The following RRAGB variants were observed in gnomAD, a reference collection of about 807,000 sequenced individuals.
RRAGB encodes ras-related GTP-binding protein B.
In RRAGB, 6 loss-of-function variants were observed where a neutral mutation model predicts 29.3. The observed-to-expected ratio is 0.21, with a 90% CI of 0.11 to 0.40. The LOEUF is 0.40. Among genes scored for constraint, RRAGB ranks in the 10% least tolerant of loss-of-function variants. The pLI, the probability that RRAGB is intolerant of heterozygous loss-of-function variation, is 1.00. For synonymous variants in RRAGB, 101 were observed against 92.5 expected (o/e 1.09, Z -0.53); for missense variants, 184 against 272.9 (o/e 0.67, Z 2.29).
intron 2 of RRAGB, among the ~76,000 whole-genome samples, chrX:55,720,906 G>A (rs1313921280): frequency 9.0e-6 from 1 of 111,142 alleles, no homozygotes; most frequent in Non-Finnish European, 1.9e-5. Context: ...AAGAAAGAAC[G>A]AAAAGGAAAG....
At chrX:55,737,411 A>T (rs1020877513) in intron 5 of RRAGB, among the ~76,000 whole-genome samples, 1 of 112,530 alleles carries the variant, frequency 8.9e-6, no homozygotes, top group Non-Finnish European at 1.9e-5. Context: ...AGGCACACTC[A>T]TGCTGAGTTC....
intron 5 of RRAGB, among the ~76,000 whole-genome samples, chrX:55,742,013 A>G (rs1236039917): frequency 8.9e-6 from 1 of 112,365 alleles, no homozygotes; most frequent in Non-Finnish European, 1.9e-5. Context: ...GCGTACAACC[A>G]AAAATGCAAT....
chrX:55,718,650 G>A (rs913440), intron 1 of RRAGB, among the ~76,000 whole-genome samples: 56,915 of 110,602 alleles, frequency 0.51, 12,869 homozygotes, highest in East Asian at 0.74. Flanking sequence ...GTGGTGCTGG[G>A]GGAGTGTTCT....
intron 3 of RRAGB, among the ~76,000 whole-genome samples, chrX:55,722,871 G>A (rs754454377): frequency 4.0e-4 from 44 of 111,204 alleles, no homozygotes; most frequent in Non-Finnish European, 7.3e-4. Flanking sequence ...AGTGAATGTA[G>A]GATCCTGGGA....
At chrX:55,735,399 T>C (rs991957825) in intron 5 of RRAGB, among the ~76,000 whole-genome samples, 1 of 112,439 alleles carries the variant, frequency 8.9e-6, no homozygotes, top group Admixed American at 9.4e-5. Context: ...TTTACTGTTG[T>C]TGATTTAAAG....
At chrX:55,755,603 G>C in intron 7 of RRAGB, 1 of 744,523 alleles carries the variant, frequency 1.3e-6, no homozygotes, top group Non-Finnish European at 1.6e-6. Flanking sequence ...ACCAAAATAG[G>C]CAATACGTAA....
chrX:55,724,241 A>G (rs896267075), intron 3 of RRAGB, among the ~76,000 whole-genome samples: 1 of 112,255 alleles, frequency 8.9e-6, no homozygotes, highest in Non-Finnish European at 1.9e-5. Context: ...GCTTACTTCT[A>G]TTAAATCATT....
intron 4 of RRAGB, 59 bp downstream of exon 4, chrX:55,729,419 A>G (rs763158984): frequency 2.5e-5 from 19 of 747,644 alleles, no homozygotes; most frequent in Admixed American, 4.6e-5. Context: ...GGCATCTAGT[A>G]TATCAGCATG....
intron 2 of RRAGB, 34 bp from the exon 3 acceptor site, chrX:55,722,151 CT>C (rs757922467): frequency 4.2e-6 from 4 of 946,120 alleles, no homozygotes; most frequent in South Asian, 2.1e-5. Context: ...AGATTGCTAA[CT>C]TTTTTCCTTT....
intron 2 of RRAGB, among the ~76,000 whole-genome samples, chrX:55,721,020 C>T (rs900408902): frequency 8.9e-6 from 1 of 112,178 alleles, no homozygotes; most frequent in Non-Finnish European, 1.9e-5. Context: ...ACATCATTGA[C>T]GAGTGCTCTC....
At chrX:55,720,057 A>G (rs1320306484) in intron 2 of RRAGB, among the ~76,000 whole-genome samples, 1 of 112,497 alleles carries the variant, frequency 8.9e-6, no homozygotes, top group Non-Finnish European at 1.9e-5. Flanking sequence ...TTCATAGGCA[A>G]TTGAAAGAGG....
intron 5 of RRAGB, among the ~76,000 whole-genome samples, chrX:55,744,910 G>C (rs2034197740): frequency 1.8e-5 from 2 of 112,025 alleles, no homozygotes; most frequent in Admixed American, 1.9e-4. Flanking sequence ...AAATGGGCCA[G>C]AGTAACACAG....
chrX:55,718,896 TA>T (rs2033156957), intron 1 of RRAGB, among the ~76,000 whole-genome samples: 1 of 111,770 alleles, frequency 8.9e-6, no homozygotes, highest in African/African-American at 3.3e-5. Flanking sequence ...ATTTTAAAAT[TA>T]GGAGGCTGAA....
chrX:55,750,547 A>G (rs906742364), intron 5 of RRAGB, among the ~76,000 whole-genome samples: 3 of 111,325 alleles, frequency 2.7e-5, no homozygotes, highest in Non-Finnish European at 5.7e-5. Flanking sequence ...CAACATACAG[A>G]TTGGTGTTTA....
intron 3 of RRAGB, among the ~76,000 whole-genome samples, chrX:55,723,902 G>T (rs1477296095): frequency 3.6e-5 from 4 of 112,003 alleles, no homozygotes; most frequent in African/African-American, 9.7e-5. Context: ...AAAATGTCCA[G>T]CTCTTCCATC....
At chrX:55,731,018 A>G (rs759742088) in intron 4 of RRAGB, among the ~76,000 whole-genome samples, 20 of 110,993 alleles carry the variant, frequency 1.8e-4, no homozygotes, top group Non-Finnish European at 3.4e-4. Flanking sequence ...AAGGCCACAT[A>G]GTGGATAAAC....
intron 5 of RRAGB, among the ~76,000 whole-genome samples, chrX:55,746,795 C>T (rs1002095066): frequency 8.9e-6 from 1 of 111,955 alleles, no homozygotes; most frequent in African/African-American, 3.3e-5. Context: ...ACCATCCAAA[C>T]AAACTGTTAA....
chrX:55,726,281 C>G (rs759928871), intron 3 of RRAGB, among the ~76,000 whole-genome samples: 1 of 112,207 alleles, frequency 8.9e-6, no homozygotes, highest in East Asian at 2.8e-4. Flanking sequence ...TTTTCTCCCT[C>G]ACTCTCAGGC....
chrX:55,740,942 A>T, intron 5 of RRAGB, among the ~76,000 whole-genome samples: 1 of 110,553 alleles, frequency 9.0e-6, no homozygotes, highest in South Asian at 3.9e-4. Context: ...GTCATATAAA[A>T]TCCACTTTTT....
Sources: allele counts gnomAD v4.1 joint callset (sites outside exome capture counted in the v4.1 genomes callset), GRCh38; gene constraint gnomAD v4.1.1; transcripts MANE v1.5; gene names NCBI Gene and HGNC (gene_info 2026-07-23, HGNC 2026-07-21).